Variants in SND1 observed in about 807,000 individuals in gnomAD.
SND1 encodes staphylococcal nuclease and tudor domain containing 1, also known as staphylococcal nuclease domain-containing protein 1.
Under a neutral mutation model 121.7 loss-of-function variants are expected in SND1, and 38 were observed. That is an observed-to-expected ratio of 0.31 (90% confidence interval 0.24 to 0.41). SND1 has a LOEUF of 0.41. Ranked by LOEUF, SND1 falls within the 10% of genes least tolerant of loss-of-function variation. The pLI is 1.00. For missense variants in SND1, 868 were observed against 1,184.6 expected, an observed-to-expected ratio of 0.73 and a Z score of 3.92; for synonymous variants, 401 against 447.4, an observed-to-expected ratio of 0.90 and a Z score of 1.31.
At chr7:127,893,606 G>T (rs1026594795) in intron 13 of SND1, among the ~76,000 whole-genome samples, 2 of 152,138 alleles carry the variant, frequency 1.3e-5, no homozygotes, top group Non-Finnish European at 2.9e-5. Context: ...ACAACCTAGT[G>T]TCTGAGCAGA....
chr7:127,825,686 G>A (rs868310748), intron 11 of SND1, among the ~76,000 whole-genome samples: 27 of 152,194 alleles, frequency 1.8e-4, no homozygotes, highest in Middle Eastern at 6.8e-3. Context: ...GATTACAGGC[G>A]TGAGCCACCG....
At chr7:128,031,805 G>A (rs1009376552) in intron 16 of SND1, among the ~76,000 whole-genome samples, 1 of 147,478 alleles carries the variant, frequency 6.8e-6, no homozygotes, top group Non-Finnish European at 1.5e-5. Flanking sequence ...CCCGGCCCCC[G>A]GCGCGCCGCC....
intron 10 of SND1, among the ~76,000 whole-genome samples, chr7:127,791,489 T>TAA (rs1797909039): frequency 1.3e-5 from 2 of 152,166 alleles, no homozygotes; most frequent in Admixed American, 1.3e-4. Flanking sequence ...ATATATAACA[T>TAA]AAAATTTACC....
At chr7:127,762,163 C>T (rs1352836208) in intron 10 of SND1, among the ~76,000 whole-genome samples, 1 of 152,148 alleles carries the variant, frequency 6.6e-6, no homozygotes, top group East Asian at 1.9e-4. Flanking sequence ...TTACAGTAGA[C>T]TAGGGGAACA....
intron 1 of SND1, among the ~76,000 whole-genome samples, chr7:127,683,895 T>G (rs1357696884): frequency 6.6e-6 from 1 of 152,218 alleles, no homozygotes; most frequent in Non-Finnish European, 1.5e-5. Flanking sequence ...GGTGCAACAA[T>G]GCAAGGAAGT....
intron 11 of SND1, among the ~76,000 whole-genome samples, chr7:127,833,752 CA>C (rs1435643708): frequency 6.6e-6 from 1 of 152,164 alleles, no homozygotes; most frequent in Non-Finnish European, 1.5e-5. Context: ...TTTAAGTGTA[CA>C]ATTCAGTGAC....
intron 9 of SND1, among the ~76,000 whole-genome samples, chr7:127,712,628 C>G (rs1371837340): frequency 1.3e-5 from 2 of 152,186 alleles, no homozygotes; most frequent in African/African-American, 4.8e-5. Flanking sequence ...ATTGTGTTTT[C>G]TCGCCACTGT....
intron 1 of SND1, among the ~76,000 whole-genome samples, chr7:127,684,749 T>C (rs762029785): frequency 3.9e-5 from 6 of 152,188 alleles, no homozygotes; most frequent in African/African-American, 1.2e-4. Flanking sequence ...AGCGTGCCTG[T>C]AACTGGATTA....
chr7:128,032,659 G>A (rs1052983033), intron 16 of SND1, among the ~76,000 whole-genome samples: 39 of 152,078 alleles, frequency 2.6e-4, no homozygotes, highest in Non-Finnish European at 5.4e-4. Flanking sequence ...CCTCACCCCC[G>A]CTGACTGCTG....
At chr7:127,825,991 G>A (rs1798636336) in intron 11 of SND1, among the ~76,000 whole-genome samples, 1 of 151,942 alleles carries the variant, frequency 6.6e-6, no homozygotes, top group South Asian at 2.1e-4. Context: ...AGGAGTTTGA[G>A]ACCACCTGGC....
intron 10 of SND1, among the ~76,000 whole-genome samples, chr7:127,729,114 C>T (rs1796630374): frequency 6.6e-6 from 1 of 152,004 alleles, no homozygotes; most frequent in Admixed American, 6.6e-5. Flanking sequence ...TTCAGTCCAC[C>T]AGAGGGGTTA....
chr7:128,054,992 AT>A (rs1259433259), intron 16 of SND1, among the ~76,000 whole-genome samples: 3 of 152,204 alleles, frequency 2.0e-5, no homozygotes, highest in Non-Finnish European at 2.9e-5. Context: ...AGTTATTCTA[AT>A]AGGATGGATA....
At chr7:127,945,020 ATCAC>A (rs1237001254) in intron 15 of SND1, among the ~76,000 whole-genome samples, 3 of 152,228 alleles carry the variant, frequency 2.0e-5, no homozygotes, top group Middle Eastern at 3.4e-3. Context: ...TCCCTCTGAC[ATCAC>A]TGTTTCATCA....
chr7:127,763,314 C>G (rs1295877893), intron 10 of SND1, among the ~76,000 whole-genome samples: 1 of 152,118 alleles, frequency 6.6e-6, no homozygotes, highest in Non-Finnish European at 1.5e-5. Flanking sequence ...CTCATAAAAT[C>G]AAGCATATGT....
intron 1 of SND1, among the ~76,000 whole-genome samples, chr7:127,665,469 G>C (rs1219322185): frequency 6.6e-6 from 1 of 152,066 alleles, no homozygotes; most frequent in African/African-American, 2.4e-5. Context: ...TTACAGGCGT[G>C]AGACACCGCG....
chr7:128,045,484 A>T (rs561136341), intron 16 of SND1, among the ~76,000 whole-genome samples: 7 of 152,292 alleles, frequency 4.6e-5, no homozygotes, highest in Middle Eastern at 3.4e-3. Context: ...AGAGCAACCC[A>T]TGCCACTCCT....
chr7:128,047,290 G>T (rs1320436178), intron 16 of SND1, among the ~76,000 whole-genome samples: 1 of 152,220 alleles, frequency 6.6e-6, no homozygotes, highest in Admixed American at 6.5e-5. Flanking sequence ...GTGAGTGCCT[G>T]TGGACTCAGG....
At chr7:127,846,865 C>T (rs1009550028) in intron 12 of SND1, among the ~76,000 whole-genome samples, 1 of 152,158 alleles carries the variant, frequency 6.6e-6, no homozygotes, top group Non-Finnish European at 1.5e-5. Context: ...AGCAAATAGA[C>T]CTAGCTGCAC....
At chr7:127,927,670 G>A (rs1014677594) in intron 14 of SND1, among the ~76,000 whole-genome samples, 1 of 152,164 alleles carries the variant, frequency 6.6e-6, no homozygotes, top group Non-Finnish European at 1.5e-5. Flanking sequence ...CTAAGAATCC[G>A]TTTGATGGGA....
Sources: gnomAD v4.1 joint callset for allele counts (sites outside exome capture counted in the v4.1 genomes callset) on GRCh38, gnomAD v4.1.1 for gene constraint, MANE v1.5 for transcripts, NCBI Gene and HGNC (gene_info 2026-07-23, HGNC 2026-07-21) for gene names.